ARHGEF10: variants seen among roughly 807,000 people sequenced by gnomAD.
The protein encoded by ARHGEF10 is Rho guanine nucleotide exchange factor 10.
ARHGEF10 carries 140 observed loss-of-function variants against 147.4 expected under a neutral mutation model. That is an observed-to-expected ratio of 0.95 (90% CI 0.83 to 1.09). The LOEUF is 1.09. Among genes scored for constraint, ARHGEF10 ranks in the 50% least tolerant of loss-of-function variants. The probability of loss-of-function intolerance (pLI) is 0.00; values close to 1 mark genes in which losing one functional copy is unlikely to be tolerated. For missense variants in ARHGEF10, 2,222 were observed against 1,752.7 expected (o/e 1.27, Z -4.78); for synonymous variants, 902 against 695.8 (o/e 1.30, Z -4.67).
chr8:1,944,095 C>T (rs1417033659), intron 26 of ARHGEF10, among the ~76,000 whole-genome samples: 1 of 151,402 alleles, frequency 6.6e-6, no homozygotes, highest in South Asian at 2.1e-4. Flanking sequence ...CCCTCGGGAC[C>T]CCAGCCTCCC....
chr8:1,887,959 T>G lies in ARHGEF10; in HGVS notation c.1182+2252T>G, dbSNP rs62477547. On this transcript the variant is annotated intron_variant, in intron 11 of 28. Transcript: ENST00000349830. Reference sequence around the variant, plus strand: ...AGTGATTGGGGTGAGGGGTCTGTGATGAGACACTGTGAGTGGGGTGAGAGT... The same window carrying G: ...AGTGATTGGGGTGAGGGGTCTGTGAGGAGACACTGTGAGTGGGGTGAGAGT... 6.1e-4 allele frequency among the ~76,000 whole-genome samples: 85 copies of G among 138,906 alleles called. No individual in the cohort carries two copies. In the East Asian group the frequency reaches 0.017, roughly 28 times the overall value. 91.1% of individuals were successfully genotyped at this position (138,906 alleles called of 152,430 possible).
At chr8:1,857,898 C>T (rs1805689635) in intron 2 of ARHGEF10, 62 bp from the exon 3 acceptor site, 3 of 1,178,946 alleles carry the variant, frequency 2.5e-6, no homozygotes, top group East Asian at 2.4e-5. Flanking sequence ...ATCTATCTAT[C>T]TATCTATCTA....
intron 9 of ARHGEF10, among the ~76,000 whole-genome samples, chr8:1,880,748 G>T (rs1808118861): frequency 6.6e-6 from 1 of 152,172 alleles, no homozygotes; most frequent in Non-Finnish European, 1.5e-5. Flanking sequence ...TTTTAAAAGG[G>T]CACTGTCAAG....
chr8:1,905,806 C>G, intron 17 of ARHGEF10, 90 bp downstream of exon 17: 1 of 1,534,796 alleles, frequency 6.5e-7, no homozygotes, highest in Non-Finnish European at 8.9e-7. Context: ...AATTCTGTCA[C>G]TCAGACTGAA....
chr8:1,851,814 T>C (rs997378651), intron 2 of ARHGEF10, among the ~76,000 whole-genome samples: 3 of 151,570 alleles, frequency 2.0e-5, no homozygotes, highest in African/African-American at 7.3e-5. Flanking sequence ...CTTGGGAGGC[T>C]GAGGTGGGAG....
At chr8:1,933,186 C>T (rs1813289159) in intron 25 of ARHGEF10, among the ~76,000 whole-genome samples, 1 of 152,102 alleles carries the variant, frequency 6.6e-6, no homozygotes, top group Admixed American at 6.6e-5. Flanking sequence ...TTCCTTTTAC[C>T]TCAATTTTGA....
intron 2 of ARHGEF10, among the ~76,000 whole-genome samples, chr8:1,846,508 T>C (rs1042338678): frequency 3.3e-5 from 5 of 152,256 alleles, no homozygotes; most frequent in African/African-American, 1.2e-4. Context: ...GCTGTTACTT[T>C]AGATCATCAC....
At chr8:1,894,666 G>T (rs1809828752) in intron 13 of ARHGEF10, 94 bp downstream of exon 13, 2 of 1,414,776 alleles carry the variant, frequency 1.4e-6, no homozygotes, top group African/African-American at 1.4e-5. Context: ...CTGATCTCCT[G>T]CAAGCTGACA....
chr8:1,846,182 C>G (rs901875587), intron 2 of ARHGEF10, among the ~76,000 whole-genome samples: 3 of 152,262 alleles, frequency 2.0e-5, no homozygotes, highest in African/African-American at 7.2e-5. Context: ...AGGAGCCGCC[C>G]AGCCCTCTGG....
chr8:1,945,434 C>T (rs1814486839), intron 26 of ARHGEF10, 47 bp from the exon 27 acceptor site: 1 of 1,554,114 alleles, frequency 6.4e-7, no homozygotes, highest in Non-Finnish European at 8.7e-7. Context: ...AGGCCCCACT[C>T]AGACTCACTC....
Position 1,883,381 on chromosome 8 carries a change from C to T in ARHGEF10, c.1075+632C>T, listed in dbSNP as rs538357072. ...GGGAGGGTGACTGAGACTTCACTGT[C>T]ATACAGGGGTCGCTGTGACTCTGAC... is the stretch of plus-strand genomic sequence containing the variant. On this transcript the variant is annotated intron_variant, in intron 10 of 28. Coordinates refer to ENST00000349830, the MANE Select transcript of ARHGEF10 (RefSeq NM_014629.4). Among the ~76,000 whole-genome samples the T allele has an allele frequency of 5.9e-5, 9 of 152,196 alleles. No homozygotes were observed. In the South Asian group the frequency reaches 1.9e-3, roughly 32 times the overall value.
intron 7 of ARHGEF10, among the ~76,000 whole-genome samples, chr8:1,875,876 AG>A (rs1335391302): frequency 6.6e-6 from 1 of 152,258 alleles, no homozygotes; most frequent in African/African-American, 2.4e-5. Context: ...GGATGCATAA[AG>A]AATAAATTTA....
intron 18 of ARHGEF10, among the ~76,000 whole-genome samples, chr8:1,912,478 G>C (rs1234284406): frequency 6.6e-6 from 1 of 151,016 alleles, no homozygotes; most frequent in Non-Finnish European, 1.5e-5. Context: ...TTGCCGTGCA[G>C]TGTTAGACTC....
chr8:1,927,973 ACC>A (rs1812814896), intron 23 of ARHGEF10, among the ~76,000 whole-genome samples: 1 of 152,108 alleles, frequency 6.6e-6, no homozygotes, highest in Non-Finnish European at 1.5e-5. Context: ...TCCACAGCAT[ACC>A]ACATGTTGAC....
intron 19 of ARHGEF10, 145 bp from the exon 20 acceptor site, chr8:1,923,323 T>C (rs1171893123): frequency 1.6e-6 from 2 of 1,267,896 alleles, no homozygotes; most frequent in Non-Finnish European, 2.2e-6. Flanking sequence ...CACAGTGTGA[T>C]CTGACTCCCA....
chr8:1,828,767 GCA>G (rs1304354036), intron 1 of ARHGEF10, among the ~76,000 whole-genome samples: 1 of 151,414 alleles, frequency 6.6e-6, no homozygotes, highest in Non-Finnish European at 1.5e-5. Flanking sequence ...ACCGTGGCAT[GCA>G]CACTTACTGT....
At chr8:1,844,882 C>T (rs567381571) in intron 2 of ARHGEF10, among the ~76,000 whole-genome samples, 29 of 152,174 alleles carry the variant, frequency 1.9e-4, no homozygotes, top group African/African-American at 6.3e-4. Flanking sequence ...GCCTGGGCAA[C>T]GTAGTGAGAC....
intron 16 of ARHGEF10, chr8:1,904,065 C>T (rs1810695386): frequency 6.5e-6 from 1 of 153,042 alleles, no homozygotes; most frequent in Non-Finnish European, 1.5e-5. Flanking sequence ...GTGCTGCACT[C>T]TAGCCTGGGT....
intron 18 of ARHGEF10, among the ~76,000 whole-genome samples, chr8:1,910,105 C>G (rs1223823431): frequency 1.3e-5 from 2 of 152,000 alleles, no homozygotes; most frequent in African/African-American, 2.4e-5. Context: ...AAAAAAAAAT[C>G]CAAAGAACGA....
Sources: gnomAD v4.1 joint callset for allele counts (sites outside exome capture counted in the v4.1 genomes callset) on GRCh38, gnomAD v4.1.1 for gene constraint, MANE v1.5 for transcripts, NCBI Gene and HGNC (gene_info 2026-07-23, HGNC 2026-07-21) for gene names.